The following ADCK1 variants were observed in gnomAD, a reference collection of about 807,000 sequenced individuals.
ADCK1 encodes aarF domain-containing protein kinase 1.
In ADCK1, 41 loss-of-function variants were observed where a neutral mutation model predicts 52.3. The observed-to-expected ratio is 0.78, with a 90% CI of 0.61 to 1.02. The LOEUF (loss-of-function observed/expected upper bound fraction) is 1.02, where lower values mean the gene tolerates loss of function less well. ADCK1 is among the 50% of genes least tolerant of loss of function. The pLI, the probability that ADCK1 is intolerant of heterozygous loss-of-function variation, is 0.00. For synonymous variants in ADCK1, 250 were observed against 274.6 expected, an observed-to-expected ratio of 0.91 and a Z score of 0.89; for missense variants, 658 against 679.5, an observed-to-expected ratio of 0.97 and a Z score of 0.35.
intron 4 of ADCK1, among the ~76,000 whole-genome samples, chr14:77,878,818 A>G (rs2082955059): frequency 1.3e-5 from 2 of 152,210 alleles, no homozygotes; most frequent in African/African-American, 2.4e-5. Context: ...TAGATTTATG[A>G]TAGCCAACGG....
At chr14:77,873,438 G>A (rs377574536) in intron 4 of ADCK1, among the ~76,000 whole-genome samples, 2 of 152,186 alleles carry the variant, frequency 1.3e-5, no homozygotes, top group African/African-American at 2.4e-5. Flanking sequence ...GGGAAGCCTC[G>A]GCAACTGCTG....
At chr14:77,878,639 G>T (rs1324627586) in intron 4 of ADCK1, among the ~76,000 whole-genome samples, 1 of 152,208 alleles carries the variant, frequency 6.6e-6, no homozygotes, top group Non-Finnish European at 1.5e-5. Context: ...ATCACCCAGG[G>T]GTTACCTGCC....
intron 7 of ADCK1, among the ~76,000 whole-genome samples, chr14:77,912,329 A>G (rs7160705): frequency 0.64 from 97,292 of 151,972 alleles, 32,014 homozygotes; most frequent in African/African-American, 0.78. Flanking sequence ...TACCATCAGT[A>G]GTGTTGGGAG....
intron 6 of ADCK1, among the ~76,000 whole-genome samples, chr14:77,904,214 C>G (rs1179471876): frequency 1.3e-5 from 2 of 152,210 alleles, no homozygotes; most frequent in Non-Finnish European, 2.9e-5. Context: ...TTTCCAGCAG[C>G]TGCTAGTGTC....
intron 7 of ADCK1, among the ~76,000 whole-genome samples, chr14:77,911,578 T>C (rs2083791983): frequency 6.6e-6 from 1 of 152,180 alleles, no homozygotes; most frequent in South Asian, 2.1e-4. Context: ...CATCTCTAAG[T>C]AAGTGATTTT....
intron 1 of ADCK1, among the ~76,000 whole-genome samples, chr14:77,809,880 CA>C (rs2081302440): frequency 1.3e-5 from 2 of 150,534 alleles, no homozygotes; most frequent in African/African-American, 4.9e-5. Context: ...AATAAAAATA[CA>C]AAAAAATTTA....
chr14:77,904,734 A>G (rs1221046600), intron 6 of ADCK1, among the ~76,000 whole-genome samples: 4 of 152,136 alleles, frequency 2.6e-5, no homozygotes, highest in Non-Finnish European at 5.9e-5. Flanking sequence ...AAAGAGGTAG[A>G]ACCTGGACCC....
chr14:77,819,025 T>C lies in ADCK1; in HGVS notation c.47T>C (p.Leu16Pro). 6.2e-7 allele frequency: 1 copy of C among 1,614,248 alleles called. No homozygotes were observed. Among genetic ancestry groups the C allele is most frequent in the South Asian group, 1.1e-5 (1 of 91,090 alleles). ...CTTGCTTCGTGGACCAGCATGGCTC[T>C]TGCTGCCTCTGGCATCTACTTCTAC... is the stretch of plus-strand genomic sequence containing the variant. ...LKLASWTSMALAASGIYFYSN... is the reference protein window; with the variant it reads ...LKLASWTSMAPAASGIYFYSN... Residue 16 changes from leucine (L) to proline (P), a missense_variant, in exon 2 of 11, where the codon CTT becomes CCT. By Grantham distance (98) the Leu-to-Pro change is moderately conservative. Coordinates refer to ENST00000238561, the MANE Select transcript of ADCK1 (RefSeq NM_020421.4).
At chr14:77,858,167 A>G (rs948813361) in intron 3 of ADCK1, among the ~76,000 whole-genome samples, 1 of 152,152 alleles carries the variant, frequency 6.6e-6, no homozygotes, top group Admixed American at 6.5e-5. Context: ...GACCCCTGCT[A>G]AAGTTTGCTG....
At chr14:77,869,609 C>A (rs1254754397) in intron 4 of ADCK1, among the ~76,000 whole-genome samples, 2 of 152,150 alleles carry the variant, frequency 1.3e-5, no homozygotes, top group Non-Finnish European at 2.9e-5. Flanking sequence ...ACAGTTCAAC[C>A]CACAACAGAT....
intron 1 of ADCK1, among the ~76,000 whole-genome samples, chr14:77,802,325 T>C (rs763798059): frequency 1.9e-4 from 29 of 152,208 alleles, no homozygotes; most frequent in Non-Finnish European, 7.3e-5. Context: ...GCTCTTTGCA[T>C]CTGGCTTTGC....
At chr14:77,821,636 T>C (rs2140036390) in intron 2 of ADCK1, among the ~76,000 whole-genome samples, 1 of 151,926 alleles carries the variant, frequency 6.6e-6, no homozygotes, top group East Asian at 1.9e-4. Flanking sequence ...ATCCCAGCAC[T>C]TTGGGAGGCT....
At chr14:77,860,835 G>T (rs180782120) in intron 4 of ADCK1, among the ~76,000 whole-genome samples, 163 of 152,360 alleles carry the variant, frequency 1.1e-3, no homozygotes, top group African/African-American at 3.8e-3. Context: ...TAATAACAGT[G>T]TGAAGTGCAT....
chr14:77,917,357 C>G (rs2083948925), intron 7 of ADCK1, among the ~76,000 whole-genome samples: 1 of 152,280 alleles, frequency 6.6e-6, no homozygotes, highest in South Asian at 2.1e-4. Flanking sequence ...TCAGGCTACT[C>G]ATGTGATTAT....
At chr14:77,917,625 T>C (rs1348884685) in intron 7 of ADCK1, among the ~76,000 whole-genome samples, 1 of 152,248 alleles carries the variant, frequency 6.6e-6, no homozygotes, top group African/African-American at 2.4e-5. Context: ...CCCTCCCTAC[T>C]GTTAGAGAAT....
In ADCK1 at chr14:77,825,560, C is replaced by T. The variant is rs2081677683; in HGVS notation, c.219+3042C>T. 1.3e-5 allele frequency among the ~76,000 whole-genome samples: 2 copies of T among 152,028 alleles called. 1 individual carries two copies. Among genetic ancestry groups the T allele is most frequent in the South Asian group, 4.1e-4 (2 of 4,828 alleles). ...AGACTTGGTCTGTGCTGTGAATCTC[C>T]ATGTCTGCAGCATCCATCACCAGGA... On this transcript the variant is annotated intron_variant, in intron 3 of 10. Coordinates refer to ENST00000238561, the MANE Select transcript of ADCK1 (RefSeq NM_020421.4).
At chr14:77,821,167 T>C (rs2081573810) in intron 2 of ADCK1, 3 of 152,122 alleles carry the variant, frequency 2.0e-5, no homozygotes, top group Admixed American at 6.6e-5. Context: ...AATGGAATCT[T>C]AGAGATTTGA....
At chr14:77,868,818 A>G (rs2082716372) in intron 4 of ADCK1, among the ~76,000 whole-genome samples, 1 of 152,142 alleles carries the variant, frequency 6.6e-6, no homozygotes, top group Admixed American at 6.5e-5. Context: ...CTATTCTCTT[A>G]CCCATGTGCC....
intron 5 of ADCK1, among the ~76,000 whole-genome samples, chr14:77,898,557 C>T (rs1377998750): frequency 2.0e-5 from 3 of 152,096 alleles, no homozygotes; most frequent in East Asian, 3.9e-4. Context: ...ACCCAAAGAC[C>T]GCTTGTTCTC....
Sources: allele counts gnomAD v4.1 joint callset (sites outside exome capture counted in the v4.1 genomes callset), GRCh38; gene constraint gnomAD v4.1.1; transcripts MANE v1.5; gene names NCBI Gene and HGNC (gene_info 2026-07-23, HGNC 2026-07-21).